ETV6: variants seen among roughly 807,000 people sequenced by gnomAD.
ETV6 encodes transcription factor ETV6.
A neutral mutation model predicts 51.1 loss-of-function variants in ETV6; 16 were observed. That is an observed-to-expected ratio of 0.31 (90% CI 0.21 to 0.48). ETV6 has a LOEUF of 0.48. ETV6 is among the 20% of genes least tolerant of loss of function. The pLI, the probability that ETV6 is intolerant of heterozygous loss-of-function variation, is 0.99. For missense variants in ETV6, 458 were observed against 594.8 expected (o/e 0.77, Z 2.39); for synonymous variants, 240 against 224.1 (o/e 1.07, Z -0.64).
In ETV6 at chr12:11,760,404, G is replaced by A. The variant is rs533733058; in HGVS notation, c.163+7825G>A. Among the ~76,000 whole-genome samples, 118 of 152,312 alleles carry A rather than the reference G, an allele frequency of 7.7e-4. No individual in the cohort carries two copies. In the South Asian group the frequency reaches 0.013, roughly 17 times the overall value. On this transcript the variant is annotated intron_variant, in intron 2 of 7. Transcript: ENST00000396373. ...GGATGACGATTGGATACCTAGAAGGGAAAGTTGACTGCACAGGGCTACGCA... is the reference window on the plus strand; with the variant it reads ...GGATGACGATTGGATACCTAGAAGGAAAAGTTGACTGCACAGGGCTACGCA...
intron 2 of ETV6, among the ~76,000 whole-genome samples, chr12:11,814,439 A>G (rs775898094): frequency 3.9e-5 from 6 of 152,002 alleles, no homozygotes; most frequent in Non-Finnish European, 7.4e-5. Flanking sequence ...TTTTTTTCAG[A>G]GTAAGTATTG....
At chr12:11,733,834 G>A (rs1865649482) in intron 1 of ETV6, among the ~76,000 whole-genome samples, 1 of 152,208 alleles carries the variant, frequency 6.6e-6, no homozygotes, top group Non-Finnish European at 1.5e-5. Context: ...AGCTGATGCT[G>A]AGAGGTGGCC....
At position 11,760,908 on chromosome 12, in the gene ETV6, G is replaced by GTGTGTGTA. The variant is rs375523984; in HGVS notation, c.163+8330_163+8331insGTGTGTAT. Reference sequence around the variant, plus strand: ...TGTGTGTGTGTGTGTGTGTGTGTGTGTATATAAAAGTATATGTGTGTGTGT... The same window carrying GTGTGTGTA: ...TGTGTGTGTGTGTGTGTGTGTGTGTGTGTGTGTATATATAAAAGTATATGTGTGTGTGT... On this transcript the variant is annotated intron_variant, in intron 2 of 7. Transcript: ENST00000396373. Among the ~76,000 whole-genome samples the GTGTGTGTA allele has an allele frequency of 5.3e-5, 8 of 150,330 alleles. No homozygotes were observed. In the South Asian group the frequency reaches 1.1e-3, roughly 20 times the overall value.
intron 1 of ETV6, among the ~76,000 whole-genome samples, chr12:11,746,830 GAT>G (rs1865918981): frequency 7.6e-6 from 1 of 131,104 alleles, no homozygotes; most frequent in African/African-American, 2.9e-5. Context: ...ACTATGCAAA[GAT>G]AATACAGGTC....
chr12:11,726,329 G>A (rs1455620295), intron 1 of ETV6, among the ~76,000 whole-genome samples: 1 of 152,174 alleles, frequency 6.6e-6, no homozygotes, highest in Non-Finnish European at 1.5e-5. Context: ...AGATATCCTT[G>A]GATGTGGGGA....
At chr12:11,828,512 G>T (rs926961417) in intron 2 of ETV6, among the ~76,000 whole-genome samples, 24 of 152,018 alleles carry the variant, frequency 1.6e-4, no homozygotes, top group Admixed American at 6.5e-5. Context: ...TTTGGTTTTC[G>T]CATTACCTCA....
rs1382737875 is a variant in ETV6, at chr12:11,893,196, T to C, written c.*2150T>C. 17 of 232,694 alleles carry C rather than the reference T, an allele frequency of 7.3e-5. No individual in the cohort carries two copies. The Admixed American group carries it at 9.6e-4, about 13-fold the overall frequency. The allele number at this position is 232,694 out of a possible 1,614,324, so 14.4% of individuals were successfully genotyped here. On this transcript the variant is annotated 3_prime_UTR_variant, in exon 8 of 8. Coordinates refer to ENST00000396373, the MANE Select transcript of ETV6 (RefSeq NM_001987.5). ...GAGATTAAGCCAAATACCTGATGTA[T>C]TGTGAAAGCCACTGATTTTAAGAAT...
intron 5 of ETV6, among the ~76,000 whole-genome samples, chr12:11,875,021 T>G (rs1367856189): frequency 6.8e-6 from 1 of 146,986 alleles, no homozygotes; most frequent in African/African-American, 2.5e-5. Flanking sequence ...ATTGTGCACA[T>G]GTACCCTAAA....
At chr12:11,851,328 C>G (rs1232227920) in intron 3 of ETV6, among the ~76,000 whole-genome samples, 3 of 151,960 alleles carry the variant, frequency 2.0e-5, no homozygotes, top group Non-Finnish European at 4.4e-5. Context: ...CAGATAAAAC[C>G]CAGCAAGTGT....
intron 2 of ETV6, among the ~76,000 whole-genome samples, chr12:11,796,812 G>T (rs1248387941): frequency 6.7e-6 from 1 of 149,746 alleles, no homozygotes; most frequent in Non-Finnish European, 1.5e-5. Flanking sequence ...TTTGACACAG[G>T]TTCTCTCTCT....
chr12:11,843,300 T>C (rs1344533790), intron 3 of ETV6, among the ~76,000 whole-genome samples: 1 of 152,224 alleles, frequency 6.6e-6, no homozygotes, highest in African/African-American at 2.4e-5. Flanking sequence ...AGATCTAGAT[T>C]GAAAATCCTT....
chr12:11,873,972 A>T lies in ETV6; in HGVS notation c.1009+4003A>T, dbSNP rs1176162614. On this transcript the variant is annotated intron_variant, in intron 5 of 7. Transcript: ENST00000396373. ...ATTAGAGAAAAACAGGTCATTCCAGATGGAGAAAACTTACCAGGAGCAAAG... is the reference window on the plus strand; with the variant it reads ...ATTAGAGAAAAACAGGTCATTCCAGTTGGAGAAAACTTACCAGGAGCAAAG... 3.6e-5 allele frequency among the ~76,000 whole-genome samples: 4 copies of T among 112,378 alleles called. 2 individuals are homozygous for T. Among genetic ancestry groups the T allele is most frequent in the Non-Finnish European group, 7.2e-5 (4 of 55,324 alleles). The allele number at this position is 112,378 out of a possible 152,430, so 73.7% of individuals were successfully genotyped here.
intron 2 of ETV6, among the ~76,000 whole-genome samples, chr12:11,832,423 G>A (rs1946257915): frequency 6.6e-6 from 1 of 152,210 alleles, no homozygotes; most frequent in African/African-American, 2.4e-5. Flanking sequence ...GAACTCAGAG[G>A]GGTGAAAGAT....
chr12:11,741,981 T>C (rs746820751), intron 1 of ETV6, among the ~76,000 whole-genome samples: 1 of 152,244 alleles, frequency 6.6e-6, no homozygotes, highest in Non-Finnish European at 1.5e-5. Flanking sequence ...CAGGTGATTC[T>C]AATACACAGA....
rs540438979 is a variant in ETV6, at chr12:11,793,829, T to A, written c.163+41250T>A. Among the ~76,000 whole-genome samples, 5 of 152,348 alleles carry A rather than the reference T, an allele frequency of 3.3e-5. No individual in the cohort carries two copies. In the South Asian group the frequency reaches 1.0e-3, roughly 32 times the overall value. On this transcript the variant is annotated intron_variant, in intron 2 of 7. Coordinates refer to ENST00000396373, the MANE Select transcript of ETV6 (RefSeq NM_001987.5). ...GAAAGCCAGGAAGGCAGCGTTCTCC[T>A]TTTTTGTGTAGAAGAAAATACTCTT...
chr12:11,708,689 C>T (rs952752212), intron 1 of ETV6, among the ~76,000 whole-genome samples: 8 of 152,200 alleles, frequency 5.3e-5, no homozygotes, highest in Admixed American at 3.9e-4. Context: ...CCTCTCAAGT[C>T]AACTTTTGGA....
chr12:11,855,395 G>C (rs1223917893), intron 4 of ETV6, among the ~76,000 whole-genome samples: 1 of 152,180 alleles, frequency 6.6e-6, no homozygotes, highest in Admixed American at 6.5e-5. Context: ...GATGGATCGT[G>C]CCTCTGAGGG....
At chr12:11,874,985 T>G (rs1461690238) in intron 5 of ETV6, among the ~76,000 whole-genome samples, 2 of 151,394 alleles carry the variant, frequency 1.3e-5, no homozygotes, top group Non-Finnish European at 2.9e-5. Context: ...ACATGGCACA[T>G]GTATACATAT....
intron 1 of ETV6, among the ~76,000 whole-genome samples, chr12:11,697,020 T>C (rs952819345): frequency 1.3e-5 from 2 of 152,224 alleles, no homozygotes; most frequent in African/African-American, 4.8e-5. Flanking sequence ...TAGGTAATAC[T>C]TCTGTAAATA....
Sources: allele counts gnomAD v4.1 joint callset (sites outside exome capture counted in the v4.1 genomes callset), GRCh38; gene constraint gnomAD v4.1.1; transcripts MANE v1.5; gene names NCBI Gene and HGNC (gene_info 2026-07-23, HGNC 2026-07-21).